The following SBK1 variants were observed in gnomAD, a reference collection of about 807,000 sequenced individuals.
The protein encoded by SBK1 is SH3 domain binding kinase 1.
In SBK1, 11 loss-of-function variants were observed where a neutral mutation model predicts 24.4. The observed-to-expected ratio is 0.45, with a 90% CI of 0.28 to 0.75. The LOEUF (loss-of-function observed/expected upper bound fraction) is 0.75, where lower values mean the gene tolerates loss of function less well. SBK1 is among the 30% of genes least tolerant of loss of function. The pLI, the probability that SBK1 is intolerant of heterozygous loss-of-function variation, is 0.12. For synonymous variants in SBK1, 308 were observed against 284.4 expected (o/e 1.08, Z -0.83); for missense variants, 467 against 620.5 (o/e 0.75, Z 2.63).
At chr16:28,301,916 G>A (rs1005370558) in intron 1 of SBK1, among the ~76,000 whole-genome samples, 20 of 152,228 alleles carry the variant, frequency 1.3e-4, no homozygotes, top group African/African-American at 4.6e-4. Context: ...TTTATACCCC[G>A]AAGGGAAGAC....
chr16:28,320,610 C>G lies in SBK1; in HGVS notation c.964C>G (p.Arg322Gly), dbSNP rs749802706. The change falls in exon 4 of 4, where the codon CGC (arginine) becomes GGC (glycine). Residue 322 changes from arginine to glycine, a missense_variant. By Grantham distance (125) the Arg-to-Gly change is moderately radical (BLOSUM62 -2). Transcript: ENST00000341901. The surrounding 1 kb of genome is among the most constrained non-coding windows in gnomAD (Gnocchi z 8.5). ...FLKHELTSELRRRPSHRARKP... is the reference protein window; with the variant it reads ...FLKHELTSELGRRPSHRARKP... The stretch of plus-strand genomic sequence containing the variant: ...CAAGCACGAGCTCACGTCCGAGCTG[C>G]GCCGCCGGCCCTCGCACCGCGCGCG... The G allele has an allele frequency of 1.7e-5, 24 of 1,405,950 alleles. No individual in the cohort carries two copies. In the Admixed American group the frequency reaches 2.1e-4, roughly 12 times the overall value. The allele number at this position is 1,405,950 out of a possible 1,614,324, so 87.1% of individuals were successfully genotyped here.
Position 28,319,117 on chromosome 16 carries a change from G to A in SBK1, c.349G>A (p.Val117Ile). Residue 117 changes from valine to isoleucine, a missense_variant, in exon 3 of 4, where the codon GTC becomes ATC. By Grantham distance (29) the Val-to-Ile change is conservative. Transcript: ENST00000341901. This position sits in a 1 kb window ranked among gnomAD's most constrained non-coding sequence, Gnocchi z 4.0. ...CTTCATCATCAAGGTCTTTGACGTG[G>A]TCTTTGAGACAGAGGACTGCTACGT... is the stretch of plus-strand genomic sequence containing the variant. ...SPFIIKVFDV[V>I]FETEDCYVFA... 6.2e-7 allele frequency: 1 copy of A among 1,614,038 alleles called. No homozygotes were observed.
rs113424074 is a variant in SBK1, at chr16:28,320,859, G to A, written c.1213G>A (p.Gly405Ser). The A allele has an allele frequency of 2.7e-6, 4 of 1,490,454 alleles. No homozygotes were observed. Among genetic ancestry groups the A allele is most frequent in the Admixed American group, 2.0e-5 (1 of 49,250 alleles). 92.3% of individuals were successfully genotyped at this position (1,490,454 alleles called of 1,614,324 possible). ...CCAGGGGCCCCCCGGCCGGACCGAC[G>A]GCCGCGCGGACAAGAGCAAAGGGCA... is the stretch of plus-strand genomic sequence containing the variant. ...APQGPPGRTD[G>S]RADKSKGQVV... The change falls in exon 4 of 4, where the codon GGC (glycine) becomes AGC (serine). Residue 405 changes from glycine (G) to serine (S), a missense_variant. Around this residue, in one of 4 missense-constraint regions of SBK1, gnomAD observed 166 missense variants for 146.8 expected, o/e 1.13. Coordinates refer to ENST00000341901, the MANE Select transcript of SBK1 (RefSeq NM_001024401.3). The surrounding 1 kb of genome is among the most constrained non-coding windows in gnomAD (Gnocchi z 8.5).
chr16:28,292,607 G>A lies in SBK1; in HGVS notation c.-701G>A, dbSNP rs2044608298. On this transcript the variant is annotated 5_prime_UTR_variant, in exon 1 of 4. Transcript: ENST00000341901. ...CGGAGCGCGAGCTGGAGCCGCAGCC[G>A]GAGCCCGGGCCAGGCCGGGGGCCGG... is the stretch of plus-strand genomic sequence containing the variant. 2 of 981,452 alleles carry A rather than the reference G, an allele frequency of 2.0e-6. No individual in the cohort carries two copies. 60.8% of individuals were successfully genotyped at this position (981,452 alleles called of 1,614,324 possible).
In SBK1 at chr16:28,320,661, G is replaced by A. The variant is rs1309583417; in HGVS notation, c.1015G>A (p.Ala339Thr). 1 of 1,092,054 alleles carries A rather than the reference G, an allele frequency of 9.2e-7. No individual in the cohort carries two copies. Among genetic ancestry groups the A allele is most frequent in the Non-Finnish European group, 1.1e-6 (1 of 898,694 alleles). The allele number at this position is 1,092,054 out of a possible 1,614,324, so 67.6% of individuals were successfully genotyped here. Residue 339 changes from alanine (A) to threonine (T), a missense_variant, in exon 4 of 4, where the codon GCC becomes ACC. By Grantham distance (58) the Ala-to-Thr change is moderately conservative (BLOSUM62 0). Transcript: ENST00000341901. This position sits in a 1 kb window ranked among gnomAD's most constrained non-coding sequence, Gnocchi z 8.5. Reference sequence around the variant, plus strand: ...CAAGCCCCCCGGGGACCGCCCGCCCGCCGCCGGGCCACTGCGCCTCGAGGC... The same window carrying A: ...CAAGCCCCCCGGGGACCGCCCGCCCACCGCCGGGCCACTGCGCCTCGAGGC... ...ARKPPGDRPP[A>T]AGPLRLEAPG...
In SBK1 at chr16:28,292,559, G is replaced by C. The variant is rs1031842499; in HGVS notation, c.-749G>C. 2.0e-5 allele frequency: 20 copies of C among 978,882 alleles called. No homozygotes were observed. The highest frequency in any genetic ancestry group is 7.1e-5 in the African/African-American group (4 of 56,554). The allele number at this position is 978,882 out of a possible 1,614,324, so 60.6% of individuals were successfully genotyped here. Reference sequence around the variant, plus strand: ...ATGGAGCGCAGCCCGGGCGGGCGCCGGGGCCGGGGCCCGAGCGCCAGGCGG... The same window carrying C: ...ATGGAGCGCAGCCCGGGCGGGCGCCCGGGCCGGGGCCCGAGCGCCAGGCGG... On this transcript the variant is annotated 5_prime_UTR_variant, in exon 1 of 4. Coordinates refer to ENST00000341901, the MANE Select transcript of SBK1 (RefSeq NM_001024401.3).
At chr16:28,270,171 C>G (rs2044455964) in intron 1 of SBK1, among the ~76,000 whole-genome samples, 1 of 151,810 alleles carries the variant, frequency 6.6e-6, no homozygotes, top group Non-Finnish European at 1.5e-5. Flanking sequence ...AAGCGATTCT[C>G]CTGCCTCAGC....
chr16:28,269,874 TCAAA>T (rs542264237), intron 1 of SBK1, among the ~76,000 whole-genome samples: 4 of 151,926 alleles, frequency 2.6e-5, no homozygotes, highest in East Asian at 1.9e-4. Context: ...AGACTCCGTC[TCAAA>T]CAAACAAACA....
intron 1 of SBK1, among the ~76,000 whole-genome samples, chr16:28,294,584 A>T (rs1296520969): frequency 2.6e-5 from 4 of 152,150 alleles, no homozygotes; most frequent in Non-Finnish European, 4.4e-5. Context: ...GGCACGTCCC[A>T]TTGGGCCTGT....
chr16:28,315,696 G>A (rs1055347396), intron 1 of SBK1, among the ~76,000 whole-genome samples: 4 of 152,212 alleles, frequency 2.6e-5, no homozygotes, highest in African/African-American at 9.6e-5. Flanking sequence ...AGGAGTTCGA[G>A]GCTGCAGTGA....
In SBK1 at chr16:28,319,166, C is replaced by T; in HGVS notation, c.398C>T (p.Ala133Val). The part of the protein sequence containing the change: ...CYVFAQEYAP[A>V]GDLFDIIPPQ... ...GTCTTTGCCCAGGAGTACGCACCTGCTGGGGACCTGTTTGACATCATCCCT... is the reference window on the plus strand; with the variant it reads ...GTCTTTGCCCAGGAGTACGCACCTGTTGGGGACCTGTTTGACATCATCCCT... The change falls in exon 3 of 4, where the codon GCT (alanine) becomes GTT (valine). Residue 133 changes from alanine to valine, a missense_variant. By Grantham distance (64) the Ala-to-Val change is moderately conservative. Coordinates refer to ENST00000341901, the MANE Select transcript of SBK1 (RefSeq NM_001024401.3). This position sits in a 1 kb window ranked among gnomAD's most constrained non-coding sequence, Gnocchi z 4.0. 2.5e-6 allele frequency: 4 copies of T among 1,614,092 alleles called. No homozygotes were observed. The highest frequency in any genetic ancestry group is 3.4e-6 in the Non-Finnish European group (4 of 1,179,994).
intron 1 of SBK1, among the ~76,000 whole-genome samples, chr16:28,278,967 T>C (rs1016855747): frequency 2.0e-5 from 3 of 152,186 alleles, no homozygotes; most frequent in Non-Finnish European, 4.4e-5. Flanking sequence ...GGCTCATGCC[T>C]GTAATCTCAG....
At chr16:28,299,999 A>G (rs577640527) in intron 1 of SBK1, among the ~76,000 whole-genome samples, 56 of 152,280 alleles carry the variant, frequency 3.7e-4, no homozygotes, top group African/African-American at 1.2e-3. Flanking sequence ...AGCCTTCTCC[A>G]TGGGCTGGCC....
At chr16:28,281,368 G>A (rs1281748912) in intron 1 of SBK1, among the ~76,000 whole-genome samples, 1 of 152,158 alleles carries the variant, frequency 6.6e-6, no homozygotes, top group African/African-American at 2.4e-5. Flanking sequence ...AGCCAGGTGT[G>A]AATTGGGCCC....
chr16:28,261,425 G>A (rs1407032085), intron 1 of SBK1, among the ~76,000 whole-genome samples: 2 of 125,660 alleles, frequency 1.6e-5, no homozygotes. Flanking sequence ...TGAGACTCCC[G>A]TCTACACACA....
At chr16:28,298,598 T>A (rs983289087) in intron 1 of SBK1, among the ~76,000 whole-genome samples, 5 of 152,202 alleles carry the variant, frequency 3.3e-5, no homozygotes, top group African/African-American at 1.2e-4. Context: ...ATTAAGTGGA[T>A]CTGTTGCAGA....
At chr16:28,311,656 A>T (rs1243887783) in intron 1 of SBK1, among the ~76,000 whole-genome samples, 2 of 151,920 alleles carry the variant, frequency 1.3e-5, no homozygotes, top group Non-Finnish European at 2.9e-5. Flanking sequence ...GTGAGCCATG[A>T]TCTGCACTCC....
intron 1 of SBK1, among the ~76,000 whole-genome samples, chr16:28,301,501 A>C (rs1281316629): frequency 6.6e-6 from 1 of 152,222 alleles, no homozygotes; most frequent in Non-Finnish European, 1.5e-5. Flanking sequence ...GAGGGCAGTG[A>C]GGAAGAATGT....
chr16:28,277,977 C>T (rs1048140919), intron 1 of SBK1, among the ~76,000 whole-genome samples: 3 of 152,272 alleles, frequency 2.0e-5, no homozygotes, highest in Non-Finnish European at 4.4e-5. Flanking sequence ...AGGCCCGCTA[C>T]GTCCGGGCCG....
Sources: allele counts gnomAD v4.1 joint callset (sites outside exome capture counted in the v4.1 genomes callset), GRCh38; gene constraint gnomAD v4.1.1; regional missense constraint gnomAD v4.1.1; non-coding constraint Gnocchi (gnomAD v3.1); transcripts MANE v1.5; gene names NCBI Gene and HGNC (gene_info 2026-07-23, HGNC 2026-07-21).